ACOT11: variants seen among roughly 807,000 people sequenced by gnomAD.
ACOT11 encodes acyl-CoA thioesterase 11.
Under a neutral mutation model 77.5 loss-of-function variants are expected in ACOT11, and 69 were observed. That is an observed-to-expected ratio of 0.89 (90% CI 0.73 to 1.09). The LOEUF (loss-of-function observed/expected upper bound fraction) is 1.09. Among genes scored for constraint, ACOT11 ranks in the 50% least tolerant of loss-of-function variants. ACOT11 has a pLI of 0.00. For synonymous variants in ACOT11, 279 were observed against 313.0 expected, an observed-to-expected ratio of 0.89 and a Z score of 1.15; for missense variants, 766 against 813.7, an observed-to-expected ratio of 0.94 and a Z score of 0.71.
At chr1:54,551,159 C>A (rs299868) in intron 1 of ACOT11, among the ~76,000 whole-genome samples, 61,177 of 146,780 alleles carry the variant, frequency 0.42, 13,069 homozygotes, top group African/African-American at 0.52. Context: ...AGAAAAAAAA[C>A]CAGCAACAGC....
chr1:54,565,883 C>G (rs564593688), intron 1 of ACOT11, among the ~76,000 whole-genome samples: 7 of 152,292 alleles, frequency 4.6e-5, no homozygotes, highest in Admixed American at 1.3e-4. Flanking sequence ...TTCCCACACA[C>G]ATTTTGGAAA....
downstream of ACOT11, chr1:54,614,966 A>G: frequency 6.4e-5 from 39 of 612,810 alleles, no homozygotes; most frequent in Non-Finnish European, 9.3e-5. Context: ...ATGTGCGTGC[A>G]CAGTGGAGTC....
intron 1 of ACOT11, among the ~76,000 whole-genome samples, chr1:54,553,278 G>A (rs1431638129): frequency 1.3e-5 from 2 of 151,634 alleles, no homozygotes; most frequent in Non-Finnish European, 2.9e-5. Context: ...CACTTTGGGA[G>A]GCCGAGGTCG....
chr1:54,630,831 G>GT lies in ACOT11; in HGVS notation c.1729dup (p.Trp577LeufsTer14), dbSNP rs774448991. ...AGGTCAAAGGGTCGCAGGAGCGACG[G>GT]TTGGAATGGAAAACTAGCTGGAGGA... On this transcript the variant is annotated frameshift_variant, in exon 16 of 17. Transcript: ENST00000371316. LOFTEE classifies it high-confidence loss of function. 9 of 768,622 alleles carry GT rather than the reference G, an allele frequency of 1.2e-5. No individual in the cohort carries two copies. The highest frequency in any genetic ancestry group is 1.8e-5 in the Admixed American group (1 of 56,738). The allele number at this position is 768,622 out of a possible 1,614,324, so 47.6% of individuals were successfully genotyped here.
At chr1:54,595,881 C>T (rs11805580) in intron 6 of ACOT11, among the ~76,000 whole-genome samples, 6,483 of 152,218 alleles carry the variant, frequency 0.043, 465 homozygotes, top group African/African-American at 0.15. Context: ...AAAATCTCCC[C>T]GGAGTGGGGA....
At chr1:54,612,438 G>C, downstream of ACOT11, 3 of 1,356,482 alleles carry the variant, frequency 2.2e-6, no homozygotes, top group Admixed American at 3.4e-5. Flanking sequence ...ATCTTGCTGG[G>C]GGCATCAGTG....
chr1:54,582,468 C>T (rs1192090421), intron 1 of ACOT11: 3 of 985,184 alleles, frequency 3.0e-6, no homozygotes, highest in Non-Finnish European at 3.6e-6. Context: ...GGTGAATGAA[C>T]AAATGAACAA....
Position 54,604,561 on chromosome 1 carries a change from AC to A in ACOT11, c.1236+134del. On this transcript the variant is annotated intron_variant, in intron 12 of 15. Transcript: ENST00000343744. ...TCAAAGAATTGGGTGAGATCAAGAA[AC>A]CAGTCCAGTTATGGAAACGTACCCA... The A allele has an allele frequency of 9.3e-6, 8 of 857,138 alleles. No individual in the cohort carries two copies. The South Asian group carries it at 1.2e-4, about 12-fold the overall frequency. 53.1% of individuals were successfully genotyped at this position (857,138 alleles called of 1,614,324 possible). A position where few individuals can be genotyped will look rare whatever the true frequency, so the allele number is the denominator to read the frequency against.
At chr1:54,606,996 C>A in intron 13 of ACOT11, 138 bp from the exon 14 acceptor site, 1 of 1,242,944 alleles carries the variant, frequency 8.0e-7, no homozygotes, top group Non-Finnish European at 1.1e-6. Flanking sequence ...CCTGCTGGCC[C>A]TTGCTGAGCA....
At chr1:54,602,002 G>C (rs1643970248) in intron 9 of ACOT11, among the ~76,000 whole-genome samples, 1 of 152,252 alleles carries the variant, frequency 6.6e-6, no homozygotes, top group Non-Finnish European at 1.5e-5. Context: ...CCTTGGGGGA[G>C]GTCCCCTGGC....
At chr1:54,587,385 G>A (rs1050853066) in intron 3 of ACOT11, among the ~76,000 whole-genome samples, 1 of 151,528 alleles carries the variant, frequency 6.6e-6, no homozygotes, top group Non-Finnish European at 1.5e-5. Context: ...GTGGTGGGGA[G>A]CACCTGTAAT....
intron 1 of ACOT11, among the ~76,000 whole-genome samples, chr1:54,568,625 A>G (rs1653825956): frequency 6.6e-6 from 1 of 152,016 alleles, no homozygotes; most frequent in East Asian, 1.9e-4. Context: ...CGGCCTCTGA[A>G]AGTGCTGGGA....
intron 15 of ACOT11, among the ~76,000 whole-genome samples, chr1:54,621,056 G>A (rs1433214475): frequency 6.6e-6 from 1 of 151,396 alleles, no homozygotes; most frequent in Non-Finnish European, 1.5e-5. Flanking sequence ...AACCACTGGG[G>A]AGGCCAAGGC....
intron 13 of ACOT11, among the ~76,000 whole-genome samples, chr1:54,605,785 G>A (rs868443308): frequency 2.0e-5 from 3 of 152,132 alleles, no homozygotes; most frequent in South Asian, 2.1e-4. Flanking sequence ...TTTATTGATT[G>A]TTCACATGAC....
At chr1:54,567,686 G>A (rs780997407) in intron 1 of ACOT11, among the ~76,000 whole-genome samples, 19 of 151,996 alleles carry the variant, frequency 1.3e-4, no homozygotes, top group Non-Finnish European at 1.9e-4. Context: ...TGTAGCTGCC[G>A]CTTCCCTCGA....
intron 1 of ACOT11, among the ~76,000 whole-genome samples, chr1:54,566,479 G>A (rs1351061808): frequency 6.7e-6 from 1 of 148,688 alleles, no homozygotes; most frequent in Admixed American, 6.7e-5. Context: ...AAAAAGCCGA[G>A]TGTGAATGTC....
At chr1:54,619,266 C>T (rs909299002) in intron 15 of ACOT11, among the ~76,000 whole-genome samples, 14 of 152,214 alleles carry the variant, frequency 9.2e-5, no homozygotes, top group Non-Finnish European at 8.8e-5. Context: ...TACTGAGCTT[C>T]CCAACAGCCC....
intron 1 of ACOT11, among the ~76,000 whole-genome samples, chr1:54,572,197 C>T (rs913743164): frequency 1.8e-5 from 2 of 112,684 alleles, no homozygotes; most frequent in Non-Finnish European, 4.6e-5. Context: ...TGACGCCTTT[C>T]CTTTCTCTCT....
At chr1:54,601,240 A>T (rs763845769) in intron 8 of ACOT11, 29 bp from the exon 9 acceptor site, 3 of 1,601,198 alleles carry the variant, frequency 1.9e-6, no homozygotes, top group Non-Finnish European at 2.5e-6. Context: ...AGGTCTGTCC[A>T]GGTTGGAAGC....
Sources: gnomAD v4.1 joint callset for allele counts (sites outside exome capture counted in the v4.1 genomes callset) on GRCh38, gnomAD v4.1.1 for gene constraint, MANE v1.5 for transcripts, NCBI Gene and HGNC (gene_info 2026-07-23, HGNC 2026-07-21) for gene names.